DNMBP: variants seen among roughly 807,000 people sequenced by gnomAD.
The protein encoded by DNMBP is dynamin binding protein, also known as dynamin-binding protein.
A neutral mutation model predicts 150.0 loss-of-function variants in DNMBP; 87 were observed. That is an observed-to-expected ratio of 0.58 (90% confidence interval 0.49 to 0.69). The LOEUF (loss-of-function observed/expected upper bound fraction) is 0.69, where lower values mean the gene tolerates loss of function less well. DNMBP is among the 30% of genes least tolerant of loss of function. DNMBP has a pLI of 0.00. For synonymous variants in DNMBP, 711 were observed against 750.4 expected (o/e 0.95, Z 0.86); for missense variants, 1,774 against 1,949.0 (o/e 0.91, Z 1.69).
At chr10:99,945,256 C>T (rs1324823152) in intron 4 of DNMBP, among the ~76,000 whole-genome samples, 3 of 152,132 alleles carry the variant, frequency 2.0e-5, no homozygotes, top group Non-Finnish European at 4.4e-5. Context: ...TAAAGCCTAA[C>T]AATAAATGCA....
At chr10:100,007,982 C>A (rs2041093414) in intron 1 of DNMBP, among the ~76,000 whole-genome samples, 2 of 152,258 alleles carry the variant, frequency 1.3e-5, no homozygotes, top group African/African-American at 4.8e-5. Flanking sequence ...GGCAGATGAT[C>A]AAGCACATTC....
intron 1 of DNMBP, among the ~76,000 whole-genome samples, chr10:99,997,609 C>T (rs1234605659): frequency 1.3e-5 from 2 of 152,030 alleles, no homozygotes; most frequent in African/African-American, 4.8e-5. Flanking sequence ...AGAGAATAAA[C>T]GACCAGTTTC....
Position 99,990,515 on chromosome 10 carries a change from C to T in DNMBP, c.-10-18381G>A, listed in dbSNP as rs187174501. Among the ~76,000 whole-genome samples, 760 of 150,460 alleles carry T rather than the reference C, an allele frequency of 5.1e-3. 8 individuals carry two copies. Among genetic ancestry groups the T allele is most frequent in the African/African-American group, 0.017 (706 of 40,806 alleles). On this transcript the variant is annotated intron_variant, in intron 1 of 16. Transcript: ENST00000324109. Reference sequence around the variant, plus strand: ...TGCAGTGAGCTGAGATACACCACTGCACTCCGGCCTGGGTGACAAAGCCAG... The same window carrying T: ...TGCAGTGAGCTGAGATACACCACTGTACTCCGGCCTGGGTGACAAAGCCAG...
At chr10:99,947,963 C>G (rs949670851) in intron 4 of DNMBP, among the ~76,000 whole-genome samples, 1 of 152,036 alleles carries the variant, frequency 6.6e-6, no homozygotes, top group Non-Finnish European at 1.5e-5. Context: ...TTCTATAAAT[C>G]TAAAATTATT....
rs994053645 is a variant in DNMBP, at chr10:99,892,867, A to G, written c.3156+2079T>C. The stretch of plus-strand genomic sequence containing the variant: ...AAGAAGCCATAAAATGCAAGTTTAA[A>G]CTCTTAAGCGGAGAAAACACTTTAA... On this transcript the variant is annotated intron_variant, in intron 11 of 16. Coordinates refer to ENST00000324109, the MANE Select transcript of DNMBP (RefSeq NM_015221.4). 4.6e-5 allele frequency among the ~76,000 whole-genome samples: 7 copies of G among 152,254 alleles called. No homozygotes were observed. In the South Asian group the frequency reaches 6.2e-4, roughly 14 times the overall value.
chr10:99,881,372 G>A (rs141246448), intron 15 of DNMBP, among the ~76,000 whole-genome samples: 15 of 152,300 alleles, frequency 9.8e-5, no homozygotes, highest in Non-Finnish European at 1.5e-4. Flanking sequence ...GAATATACAC[G>A]TAACGTGTAC....
At chr10:99,895,959 T>C (rs773899707) in intron 10 of DNMBP, among the ~76,000 whole-genome samples, 2 of 152,234 alleles carry the variant, frequency 1.3e-5, no homozygotes, top group Admixed American at 6.5e-5. Context: ...TGTAACATCA[T>C]GTATCCAACT....
rs1308329955 is a variant in DNMBP at position 99,956,285 on chromosome 10, C to A, written c.1189G>T (p.Ala397Ser). The A allele has an allele frequency of 6.2e-7, 1 of 1,613,216 alleles. No homozygotes were observed. Among genetic ancestry groups the A allele is most frequent in the East Asian group, 2.2e-5 (1 of 44,806 alleles). ...SPGVEWEMPL[A>S]TDSPTSDPTE... ...GGGTCAGATGTGGGAGAGTCTGTGG[C>A]AAGAGGCATTTCCCACTCCACGCCT... The change falls in exon 4 of 17, where the codon GCC (alanine) becomes TCC (serine). Residue 397 changes from alanine to serine, a missense_variant. Physicochemically the swap from Ala to Ser is moderately conservative, Grantham distance 99. Around this residue, in one of 2 missense-constraint regions of DNMBP, gnomAD observed 1,430 missense variants for 1,492.5 expected, o/e 0.96. Coordinates refer to ENST00000324109, the MANE Select transcript of DNMBP (RefSeq NM_015221.4).
At chr10:99,958,317 C>T (rs1451868289) in intron 3 of DNMBP, 1 of 152,178 alleles carries the variant, frequency 6.6e-6, no homozygotes, top group African/African-American at 2.4e-5. Context: ...CCCTTAAGAA[C>T]AATTCTTTTG....
chr10:99,906,574 GCTCT>G lies in DNMBP; in HGVS notation c.2554+1417_2554+1420del, dbSNP rs1257708560. ...GTCTCAGGCGTGCTTGCTCTTGCGT[GCTCT>G]CTCTCATTCTGTCTCTCGCTCTCTC... On this transcript the variant is annotated intron_variant, in intron 6 of 16. Coordinates refer to ENST00000324109, the MANE Select transcript of DNMBP (RefSeq NM_015221.4). Among the ~76,000 whole-genome samples, 4 of 152,260 alleles carry G rather than the reference GCTCT, an allele frequency of 2.6e-5. No homozygotes were observed. The East Asian group carries it at 5.8e-4, about 22-fold the overall frequency.
chr10:99,949,059 T>C (rs1434098313), intron 4 of DNMBP, among the ~76,000 whole-genome samples: 1 of 152,068 alleles, frequency 6.6e-6, no homozygotes, highest in Non-Finnish European at 1.5e-5. Flanking sequence ...AACCTCACTG[T>C]GGGTCTGGCA....
chr10:99,900,819 C>T lies in DNMBP; in HGVS notation c.2555-753G>A, dbSNP rs527398768. On this transcript the variant is annotated intron_variant, in intron 6 of 16. Transcript: ENST00000324109. ...CTAATTTTTGTATTTTTAGTAGAGA[C>T]GGAGTTCTTCTACAGCAGCAGTTTC... is the stretch of plus-strand genomic sequence containing the variant. Among the ~76,000 whole-genome samples the T allele has an allele frequency of 3.9e-5, 6 of 152,144 alleles. No homozygotes were observed. The East Asian group carries it at 5.8e-4, about 15-fold the overall frequency.
At chr10:99,977,587 A>G (rs924331053) in intron 1 of DNMBP, among the ~76,000 whole-genome samples, 2 of 152,208 alleles carry the variant, frequency 1.3e-5, no homozygotes, top group African/African-American at 4.8e-5. Flanking sequence ...CATTTGAAAT[A>G]TAGATATATT....
At chr10:99,884,440 A>T (rs1442679655) in intron 14 of DNMBP, among the ~76,000 whole-genome samples, 1 of 152,190 alleles carries the variant, frequency 6.6e-6, no homozygotes, top group Non-Finnish European at 1.5e-5. Context: ...ACACACACCT[A>T]TTCTTACATT....
chr10:99,997,427 T>C (rs998675877), intron 1 of DNMBP, among the ~76,000 whole-genome samples: 1 of 152,160 alleles, frequency 6.6e-6, no homozygotes, highest in Non-Finnish European at 1.5e-5. Context: ...AGAAATGACC[T>C]TGGGGCCAGA....
Position 99,892,033 on chromosome 10 carries a change from G to A in DNMBP, c.3156+2913C>T, listed in dbSNP as rs1367628478. Reference sequence around the variant, plus strand: ...CTCTGCCCGGCCAGCCGCCCCGTCCGGGAGGGAGGTGGGGGGGTCAGCTCC... The same window carrying A: ...CTCTGCCCGGCCAGCCGCCCCGTCCAGGAGGGAGGTGGGGGGGTCAGCTCC... On this transcript the variant is annotated intron_variant, in intron 11 of 16. Coordinates refer to ENST00000324109, the MANE Select transcript of DNMBP (RefSeq NM_015221.4). Among the ~76,000 whole-genome samples, 337 of 134,002 alleles carry A rather than the reference G, an allele frequency of 2.5e-3. 2 individuals are homozygous for A. The highest frequency in any genetic ancestry group is 4.8e-3 in the African/African-American group (152 of 31,394). 87.9% of individuals were successfully genotyped at this position (134,002 alleles called of 152,430 possible). A position where few individuals can be genotyped will look rare whatever the true frequency, so the allele number is the denominator to read the frequency against.
rs551152953 is a variant in DNMBP at position 99,923,345 on chromosome 10, C to T, written c.2261-14199G>A. On this transcript the variant is annotated intron_variant, in intron 4 of 16. Transcript: ENST00000324109. ...AGGCTGCAGTGCGCTGAGATCACAC[C>T]ACTGTACTGCAGCCTGGTCAAAAGA... 4.8e-4 allele frequency among the ~76,000 whole-genome samples: 73 copies of T among 151,914 alleles called. 1 individual carries two copies. In the South Asian group the frequency reaches 0.013, roughly 27 times the overall value.
intron 1 of DNMBP, among the ~76,000 whole-genome samples, chr10:99,992,531 T>G (rs1009582347): frequency 2.7e-5 from 4 of 148,222 alleles, no homozygotes; most frequent in Admixed American, 2.0e-4. Flanking sequence ...TAGGAGTTTT[T>G]TTTTTTTTTT....
intron 1 of DNMBP, among the ~76,000 whole-genome samples, chr10:100,002,928 A>C (rs2041031296): frequency 6.6e-6 from 1 of 152,212 alleles, no homozygotes; most frequent in Non-Finnish European, 1.5e-5. Context: ...GAAATAGGAA[A>C]TCTTTAGACT....
Sources: allele counts gnomAD v4.1 joint callset (sites outside exome capture counted in the v4.1 genomes callset), GRCh38; gene constraint gnomAD v4.1.1; regional missense constraint gnomAD v4.1.1; transcripts MANE v1.5; gene names NCBI Gene and HGNC (gene_info 2026-07-23, HGNC 2026-07-21).